Variants in EYS observed in about 807,000 individuals in gnomAD.
The protein encoded by EYS is protein eyes shut homolog.
Under a neutral mutation model 282.1 loss-of-function variants are expected in EYS, and 250 were observed. That is an observed-to-expected ratio of 0.89 (90% CI 0.80 to 0.98). The LOEUF (loss-of-function observed/expected upper bound fraction) is 0.98, where lower values mean the gene tolerates loss of function less well. EYS is among the 50% of genes least tolerant of loss of function. The pLI is 0.00. For synonymous variants in EYS, 1,355 were observed against 1,282.9 expected, an observed-to-expected ratio of 1.06 and a Z score of -1.20; for missense variants, 4,016 against 3,709.0, an observed-to-expected ratio of 1.08 and a Z score of -2.15.
chr6:63,907,984 ATG>A (rs1773817050), intron 35 of EYS, among the ~76,000 whole-genome samples: 1 of 118,134 alleles, frequency 8.5e-6, no homozygotes, highest in African/African-American at 3.5e-5. Flanking sequence ...GACTGTATAT[ATG>A]TACACACACA....
At chr6:65,530,540 C>T (rs1767727753) in intron 2 of EYS, among the ~76,000 whole-genome samples, 1 of 152,056 alleles carries the variant, frequency 6.6e-6, no homozygotes, top group African/African-American at 2.4e-5. Context: ...TAAATGTCAA[C>T]AGTTATTATT....
At chr6:65,167,494 A>C (rs1317914003) in intron 12 of EYS, among the ~76,000 whole-genome samples, 1 of 151,282 alleles carries the variant, frequency 6.6e-6, no homozygotes, top group African/African-American at 2.4e-5. Flanking sequence ...AATACTTTTA[A>C]ATTAAAGATC....
chr6:64,630,229 G>A (rs1338676992), intron 22 of EYS, among the ~76,000 whole-genome samples: 1 of 152,056 alleles, frequency 6.6e-6, no homozygotes, highest in Non-Finnish European at 1.5e-5. Context: ...CCGAGTAGCT[G>A]GGACTAGAGG....
chr6:65,163,885 T>C (rs1305002075), intron 12 of EYS, among the ~76,000 whole-genome samples: 5 of 151,262 alleles, frequency 3.3e-5, no homozygotes, highest in African/African-American at 7.3e-5. Flanking sequence ...TGAATAGTTG[T>C]GGTAGATACC....
intron 12 of EYS, among the ~76,000 whole-genome samples, chr6:65,270,228 G>C (rs1038644151): frequency 1.3e-5 from 2 of 152,168 alleles, no homozygotes; most frequent in African/African-American, 4.8e-5. Flanking sequence ...AAGGGGTGAT[G>C]GGTCTCAAGC....
intron 13 of EYS, among the ~76,000 whole-genome samples, chr6:65,026,580 A>G (rs1179800208): frequency 6.6e-6 from 1 of 152,160 alleles, no homozygotes; most frequent in African/African-American, 2.4e-5. Flanking sequence ...CACAGTCCAA[A>G]GTCCACCTAG....
intron 33 of EYS, among the ~76,000 whole-genome samples, chr6:64,005,809 C>A (rs1291197266): frequency 6.6e-6 from 1 of 152,024 alleles, no homozygotes; most frequent in African/African-American, 2.4e-5. Flanking sequence ...GCTCTCTATT[C>A]TGTTCCATTG....
At chr6:64,098,791 T>G (rs370715043) in intron 31 of EYS, among the ~76,000 whole-genome samples, 1 of 151,752 alleles carries the variant, frequency 6.6e-6, no homozygotes, top group Non-Finnish European at 1.5e-5. Context: ...TTAGTAGAGG[T>G]ACAGGGTTTC....
intron 19 of EYS, among the ~76,000 whole-genome samples, chr6:64,879,314 A>C (rs1766843946): frequency 6.6e-6 from 1 of 152,136 alleles, no homozygotes; most frequent in African/African-American, 2.4e-5. Flanking sequence ...AGGCATTCCC[A>C]TTCATTCAGA....
At chr6:63,876,086 C>A (rs1772961817) in intron 35 of EYS, among the ~76,000 whole-genome samples, 1 of 152,164 alleles carries the variant, frequency 6.6e-6, no homozygotes, top group African/African-American at 2.4e-5. Context: ...TTAGATCTTT[C>A]CTGCTTTCTC....
rs1373622454 is a variant in EYS, at chr6:65,091,641, T to TA, written c.2024-33915dup. On this transcript the variant is annotated intron_variant, in intron 12 of 42. Transcript: ENST00000503581. Reference sequence around the variant, plus strand: ...TTAATCTTCACGTAGTTTGAGTTTTTATTGTATTTATCTGCTTCATAATTT... The same window carrying TA: ...TTAATCTTCACGTAGTTTGAGTTTTTAATTGTATTTATCTGCTTCATAATTT... 2.0e-5 allele frequency among the ~76,000 whole-genome samples: 3 copies of TA among 152,132 alleles called. No homozygotes were observed. The East Asian group carries it at 5.8e-4, about 29-fold the overall frequency.
chr6:64,162,424 C>T (rs1405355824), intron 31 of EYS, among the ~76,000 whole-genome samples: 2 of 152,090 alleles, frequency 1.3e-5, no homozygotes, highest in Non-Finnish European at 2.9e-5. Context: ...GAGTTTTCAG[C>T]CCTCTGTTTC....
intron 39 of EYS, among the ~76,000 whole-genome samples, chr6:63,781,423 A>C (rs1273152437): frequency 3.9e-5 from 6 of 151,938 alleles, no homozygotes; most frequent in East Asian, 3.9e-4. Context: ...CTTTTATTTC[A>C]TTGAGCAGTG....
chr6:65,269,960 T>C (rs976630957), intron 12 of EYS, among the ~76,000 whole-genome samples: 1 of 152,148 alleles, frequency 6.6e-6, no homozygotes, highest in Non-Finnish European at 1.5e-5. Flanking sequence ...CATTCTCACA[T>C]GCAAAATATA....
intron 5 of EYS, among the ~76,000 whole-genome samples, chr6:65,466,365 C>A (rs190172692): frequency 6.6e-6 from 1 of 151,466 alleles, no homozygotes. Context: ...GCAAATGAGT[C>A]GAAAGAAATA....
rs535097547 is a variant in EYS at position 63,827,118 on chromosome 6, T to C, written c.7229-20746A>G. Among the ~76,000 whole-genome samples the C allele has an allele frequency of 1.1e-4, 16 of 152,132 alleles. No individual in the cohort carries two copies. The East Asian group carries it at 2.9e-3, about 28-fold the overall frequency. ...AATGGACACCAAAAGCGAGCAGGGG[T>C]AGCTATTCTTATATCAGAGAAATGA... On this transcript the variant is annotated intron_variant, in intron 36 of 42. Coordinates refer to ENST00000503581, the MANE Select transcript of EYS (RefSeq NM_001142800.2).
chr6:63,741,464 A>G (rs745895382), intron 41 of EYS, among the ~76,000 whole-genome samples: 13 of 152,348 alleles, frequency 8.5e-5, no homozygotes, highest in Non-Finnish European at 1.3e-4. Context: ...GATAAATGAT[A>G]TGGAATATCA....
intron 1 of EYS, among the ~76,000 whole-genome samples, chr6:65,664,358 G>A (rs180975293): frequency 1.3e-5 from 2 of 151,884 alleles, no homozygotes; most frequent in Non-Finnish European, 2.9e-5. Context: ...TTATGGAAAT[G>A]AAGGGAGTAA....
intron 31 of EYS, among the ~76,000 whole-genome samples, chr6:64,098,855 G>A (rs778755794): frequency 1.3e-5 from 2 of 151,992 alleles, no homozygotes; most frequent in African/African-American, 2.4e-5. Flanking sequence ...CATTCACCTC[G>A]GCCTCCCAAA....
Sources: allele counts gnomAD v4.1 joint callset (sites outside exome capture counted in the v4.1 genomes callset), GRCh38; gene constraint gnomAD v4.1.1; transcripts MANE v1.5; gene names NCBI Gene and HGNC (gene_info 2026-07-23, HGNC 2026-07-21).